The following RBFOX1 variants were observed in gnomAD, a reference collection of about 807,000 sequenced individuals.
RBFOX1 encodes the protein RNA binding fox-1 homolog 1, also known as RNA binding protein fox-1 homolog 1.
RBFOX1 carries 8 observed loss-of-function variants against 57.7 expected under a neutral mutation model. The observed-to-expected ratio is 0.14, with a 90% CI of 0.08 to 0.25. The LOEUF (loss-of-function observed/expected upper bound fraction) is 0.25. RBFOX1 is among the 10% of genes least tolerant of loss of function. The pLI is 1.00. For missense variants in RBFOX1, 611 were observed against 548.5 expected (o/e 1.11, Z -1.14); for synonymous variants, 326 against 222.4 (o/e 1.47, Z -4.15).
chr16:6,050,401 A>G (rs1291141624), intron 1 of RBFOX1, among the ~76,000 whole-genome samples: 1 of 152,096 alleles, frequency 6.6e-6, no homozygotes, highest in Non-Finnish European at 1.5e-5. Flanking sequence ...GTGTTTGCTG[A>G]TTGCATCCCT....
intron 1 of RBFOX1, among the ~76,000 whole-genome samples, chr16:6,189,100 C>G (rs2097126000): frequency 1.3e-5 from 2 of 152,208 alleles, no homozygotes; most frequent in African/African-American, 4.8e-5. Context: ...ATTACCTGTG[C>G]CATTCTAAAC....
intron 4 of RBFOX1, among the ~76,000 whole-genome samples, chr16:5,905,866 G>GC: frequency 6.6e-6 from 1 of 152,332 alleles, no homozygotes; most frequent in South Asian, 2.1e-4. Context: ...TCCTCCGGAA[G>GC]CCTTCCTAAT....
intron 2 of RBFOX1, among the ~76,000 whole-genome samples, chr16:6,356,651 G>T (rs760507089): frequency 6.6e-6 from 1 of 152,086 alleles, no homozygotes; most frequent in Admixed American, 6.6e-5. Context: ...CAAGAGAAGC[G>T]TAGGGAGACA....
intron 2 of RBFOX1, among the ~76,000 whole-genome samples, chr16:6,623,013 A>G (rs1451594381): frequency 2.0e-5 from 3 of 152,200 alleles, no homozygotes; most frequent in Admixed American, 1.3e-4. Context: ...AACACACCAC[A>G]TCTTTTACAA....
rs139076286 is a variant in RBFOX1, at chr16:6,550,525, G to C, written c.-63-104078G>C. 2.0e-5 allele frequency among the ~76,000 whole-genome samples: 3 copies of C among 152,132 alleles called. No homozygotes were observed. In the East Asian group the frequency reaches 5.8e-4, roughly 29 times the overall value. On this transcript the variant is annotated intron_variant, in intron 2 of 15. Transcript: ENST00000550418. ...GTTTTCAGTAGAGACGGGGTTTCAT[G>C]ATGTTGACCAAGCTGGTGTTGGACT...
chr16:6,726,970 A>C (rs1405042876), intron 3 of RBFOX1, among the ~76,000 whole-genome samples: 2 of 151,642 alleles, frequency 1.3e-5, no homozygotes, highest in Non-Finnish European at 2.9e-5. Flanking sequence ...TGTGCTACCC[A>C]GAGACTGGGA....
In RBFOX1 at chr16:6,806,836, A is replaced by ATATATATATAT. The variant is rs754342591; in HGVS notation, c.-16+152187_-16+152188insATATATATATT. On this transcript the variant is annotated intron_variant, in intron 3 of 15. Coordinates refer to ENST00000550418, the MANE Select transcript of RBFOX1 (RefSeq NM_018723.4). ...TATATAAATATATATATATATATAT[A>ATATATATATAT]TTTTTTTTTTTTTTTGAGAGAAAGT... 3.3e-3 allele frequency among the ~76,000 whole-genome samples: 299 copies of ATATATATATAT among 91,832 alleles called. 1 individual carries two copies. Among genetic ancestry groups the ATATATATATAT allele is most frequent in the East Asian group, 8.8e-3 (28 of 3,176 alleles). 60.2% of individuals were successfully genotyped at this position (91,832 alleles called of 152,430 possible).
intron 4 of RBFOX1, among the ~76,000 whole-genome samples, chr16:7,169,848 A>G (rs563778947): frequency 6.6e-6 from 1 of 152,072 alleles, no homozygotes; most frequent in South Asian, 2.1e-4. Flanking sequence ...AAGCAGGCTG[A>G]TCGCTTGAGT....
intron 2 of RBFOX1, among the ~76,000 whole-genome samples, chr16:6,602,879 C>A (rs538349616): frequency 1.3e-5 from 2 of 152,202 alleles, no homozygotes; most frequent in East Asian, 3.9e-4. Context: ...ATTACTGAGG[C>A]CTGGAGTGCT....
chr16:7,318,657 G>A (rs994768012), intron 4 of RBFOX1, among the ~76,000 whole-genome samples: 2 of 152,190 alleles, frequency 1.3e-5, no homozygotes, highest in African/African-American at 4.8e-5. Context: ...TAAATAAAGT[G>A]TCAGTGCAGA....
rs939751771 is a variant in RBFOX1 at position 5,947,848 on chromosome 16, C to G, written c.351+80513C>G. Among the ~76,000 whole-genome samples the G allele has an allele frequency of 3.9e-5, 6 of 152,166 alleles. No individual in the cohort carries two copies. Among genetic ancestry groups the G allele is most frequent in the South Asian group, 2.1e-4 (1 of 4,828 alleles). On this transcript the variant is annotated intron_variant, in intron 4 of 19. Transcript: ENST00000641259. This position sits in a 1 kb window ranked among gnomAD's most constrained non-coding sequence, Gnocchi z 7.2. ...TTGCTTTTTAAATTTGCTAAAAGTACCTGTTGTAATTACCGGGCCACCCGT... is the reference window on the plus strand; with the variant it reads ...TTGCTTTTTAAATTTGCTAAAAGTAGCTGTTGTAATTACCGGGCCACCCGT...
At chr16:6,331,459 G>C (rs533854335) in intron 2 of RBFOX1, among the ~76,000 whole-genome samples, 1 of 151,704 alleles carries the variant, frequency 6.6e-6, no homozygotes, top group Non-Finnish European at 1.5e-5. Context: ...GGGAGGGAAG[G>C]ATGACATTGG....
chr16:5,580,676 G>A lies in RBFOX1; in HGVS notation c.259-18226G>A, dbSNP rs150008787. Among the ~76,000 whole-genome samples, 5 of 152,252 alleles carry A rather than the reference G, an allele frequency of 3.3e-5. No homozygotes were observed. The East Asian group carries it at 5.8e-4, about 18-fold the overall frequency. ...ATACCTTTGGGGAGAGGATGCAAACGTTACCTTTCACGGCATCTCACACTG... is the reference window on the plus strand; with the variant it reads ...ATACCTTTGGGGAGAGGATGCAAACATTACCTTTCACGGCATCTCACACTG... On this transcript the variant is annotated intron_variant, in intron 2 of 2. Coordinates refer to the RBFOX1 transcript ENST00000585867.
At chr16:7,649,831 A>G (rs954571249) in intron 11 of RBFOX1, among the ~76,000 whole-genome samples, 1 of 152,156 alleles carries the variant, frequency 6.6e-6, no homozygotes, top group African/African-American at 2.4e-5. Flanking sequence ...CTGTGACTCA[A>G]GCTAATGATT....
At chr16:7,707,500 C>T (rs1048477056) in intron 14 of RBFOX1, among the ~76,000 whole-genome samples, 12 of 152,146 alleles carry the variant, frequency 7.9e-5, no homozygotes, top group African/African-American at 2.9e-4. Context: ...TTCCACCAGC[C>T]TTGTTCCTTC....
At chr16:7,060,182 C>T (rs780358897) in intron 4 of RBFOX1, among the ~76,000 whole-genome samples, 2 of 152,118 alleles carry the variant, frequency 1.3e-5, no homozygotes, top group Admixed American at 6.6e-5. Context: ...GTCTCCATTG[C>T]CCCCACTCGA....
intron 1 of RBFOX1, among the ~76,000 whole-genome samples, chr16:6,314,278 T>A (rs10500341): frequency 0.32 from 48,368 of 152,094 alleles, 8,152 homozygotes; most frequent in Middle Eastern, 0.41. Context: ...CCAGACTACA[T>A]AGTTACAGTG....
At chr16:7,218,155 C>G (rs1456573498) in intron 4 of RBFOX1, among the ~76,000 whole-genome samples, 1 of 152,092 alleles carries the variant, frequency 6.6e-6, no homozygotes, top group African/African-American at 2.4e-5. Flanking sequence ...CTTGCTGACT[C>G]TTTCTAACCC....
At chr16:7,151,053 T>C (rs1173225162) in intron 4 of RBFOX1, among the ~76,000 whole-genome samples, 3 of 152,194 alleles carry the variant, frequency 2.0e-5, no homozygotes. Context: ...ACAGAAGTTC[T>C]CTCCCTCAAA....
Sources: allele counts gnomAD v4.1 joint callset (sites outside exome capture counted in the v4.1 genomes callset), GRCh38; gene constraint gnomAD v4.1.1; non-coding constraint Gnocchi (gnomAD v3.1); transcripts MANE v1.5; gene names NCBI Gene and HGNC (gene_info 2026-07-23, HGNC 2026-07-21).